The following JPH3 variants were observed in gnomAD, a reference collection of about 807,000 sequenced individuals.
The protein encoded by JPH3 is junctophilin-3.
A neutral mutation model predicts 59.6 loss-of-function variants in JPH3; 11 were observed. The observed-to-expected ratio is 0.18, with a 90% CI of 0.12 to 0.31. JPH3 has a LOEUF of 0.31. Ranked by LOEUF, JPH3 falls within the 10% of genes least tolerant of loss-of-function variation. JPH3 has a pLI of 1.00. For missense variants in JPH3, 1,202 were observed against 1,105.7 expected, an observed-to-expected ratio of 1.09 and a Z score of -1.24; for synonymous variants, 673 against 483.6, an observed-to-expected ratio of 1.39 and a Z score of -5.14.
chr16:87,634,466 C>T lies in JPH3; in HGVS notation c.383-9792C>T, dbSNP rs1465108012. Among the ~76,000 whole-genome samples, 5 of 152,324 alleles carry T rather than the reference C, an allele frequency of 3.3e-5. No individual in the cohort carries two copies. The South Asian group carries it at 6.2e-4, about 19-fold the overall frequency. ...AGTTCCCTCAGGGTGGAGGCCTGGC[C>T]GCCTTCCCAGTGGTGCCTGTTTCTT... On this transcript the variant is annotated intron_variant, in intron 1 of 4. Coordinates refer to ENST00000284262, the MANE Select transcript of JPH3 (RefSeq NM_020655.4).
chr16:87,644,849 G>T lies in JPH3; in HGVS notation c.974G>T (p.Cys325Phe). The change falls in exon 2 of 5, where the codon TGC becomes TTC. Residue 325 changes from cysteine to phenylalanine, a missense_variant. Physicochemically the swap from Cys to Phe is radical, Grantham distance 205. Coordinates refer to ENST00000284262, the MANE Select transcript of JPH3 (RefSeq NM_020655.4). ...AGCAACCGGCGCCATGGCTACGGCT[G>T]CATGACCTTCCCGGACGGCACCAAG... ...WASNRRHGYGCMTFPDGTKEE... is the reference protein window; with the variant it reads ...WASNRRHGYGFMTFPDGTKEE... 1 of 1,613,508 alleles carries T rather than the reference G, an allele frequency of 6.2e-7. No homozygotes were observed. Among genetic ancestry groups the T allele is most frequent in the South Asian group, 1.1e-5 (1 of 91,086 alleles).
At chr16:87,659,670 T>G (rs1037476878) in intron 2 of JPH3, among the ~76,000 whole-genome samples, 1 of 151,998 alleles carries the variant, frequency 6.6e-6, no homozygotes. Flanking sequence ...GAGACGAAGG[T>G]TGCAGTAAGC....
At chr16:87,695,284 A>C (rs1410082356) in intron 4 of JPH3, 3 of 455,832 alleles carry the variant, frequency 6.6e-6, no homozygotes, top group African/African-American at 6.0e-5. Context: ...AAATTTGACC[A>C]GAGGCCAGAC....
At chr16:87,613,167 G>C (rs1008231674) in intron 1 of JPH3, among the ~76,000 whole-genome samples, 2 of 144,806 alleles carry the variant, frequency 1.4e-5, no homozygotes, top group African/African-American at 5.1e-5. Flanking sequence ...CGCGATCTCG[G>C]CTCACTGCAA....
intron 1 of JPH3, among the ~76,000 whole-genome samples, chr16:87,639,748 A>C (rs1244224650): frequency 6.6e-6 from 1 of 152,020 alleles, no homozygotes; most frequent in African/African-American, 2.4e-5. Flanking sequence ...ACCCCAGGAG[A>C]GTAGAATCCC....
chr16:87,647,639 A>G lies in JPH3; in HGVS notation c.1160+2604A>G, dbSNP rs2032196089. Among the ~76,000 whole-genome samples, 4 of 152,230 alleles carry G rather than the reference A, an allele frequency of 2.6e-5. No homozygotes were observed. The South Asian group carries it at 8.3e-4, about 32-fold the overall frequency. On this transcript the variant is annotated intron_variant, in intron 2 of 4. Coordinates refer to ENST00000284262, the MANE Select transcript of JPH3 (RefSeq NM_020655.4). The stretch of plus-strand genomic sequence containing the variant: ...GCGCACAACTGGGGTCTTGGATCGT[A>G]GCTCCTTTGTGAGAAAGGGACTGGC...
chr16:87,687,161 C>T (rs996866876), intron 3 of JPH3, among the ~76,000 whole-genome samples: 2 of 152,156 alleles, frequency 1.3e-5, no homozygotes, highest in Admixed American at 6.5e-5. Flanking sequence ...GGGGCCTTCT[C>T]GGCTGCTGGG....
At chr16:87,636,146 A>T (rs554877028) in intron 1 of JPH3, among the ~76,000 whole-genome samples, 7 of 152,084 alleles carry the variant, frequency 4.6e-5, no homozygotes, top group African/African-American at 1.7e-4. Flanking sequence ...GTTAGGTTCG[A>T]TGGGACAGGC....
Position 87,690,287 on chromosome 16 carries a change from C to A in JPH3, c.1927C>A (p.His643Asn). The change falls in exon 4 of 5, where the codon CAC becomes AAC. Residue 643 changes from histidine (H) to asparagine (N), a missense_variant. By Grantham distance (68) the His-to-Asn change is moderately conservative. Transcript: ENST00000284262. ...CGCCTGCCGGGGCTTGGGGGACGAC[C>A]ACCGCCCCGAGGACCGGGGCTTCGG... ...GGACRGLGDDHRPEDRGFGVQ... is the reference protein window; with the variant it reads ...GGACRGLGDDNRPEDRGFGVQ... 6.3e-7 allele frequency: 1 copy of A among 1,599,280 alleles called. No individual in the cohort carries two copies. Among genetic ancestry groups the A allele is most frequent in the Non-Finnish European group, 8.5e-7 (1 of 1,173,396 alleles).
intron 1 of JPH3, among the ~76,000 whole-genome samples, chr16:87,605,632 C>G (rs2030490724): frequency 6.6e-6 from 1 of 152,200 alleles, no homozygotes; most frequent in Admixed American, 6.5e-5. Flanking sequence ...GCTCTCCACT[C>G]CAGCCAGACA....
intron 3 of JPH3, among the ~76,000 whole-genome samples, chr16:87,688,374 G>A (rs748033830): frequency 4.2e-4 from 64 of 152,200 alleles, no homozygotes; most frequent in Non-Finnish European, 7.2e-4. Flanking sequence ...AGCGTGCCCC[G>A]AATCTGCTTG....
intron 2 of JPH3, among the ~76,000 whole-genome samples, chr16:87,660,413 C>A (rs974547124): frequency 6.6e-6 from 1 of 152,070 alleles, no homozygotes; most frequent in African/African-American, 2.4e-5. Flanking sequence ...AGGGGCCTCC[C>A]CAGAGAGCCT....
chr16:87,612,061 C>T (rs571009971), intron 1 of JPH3, among the ~76,000 whole-genome samples: 30 of 152,302 alleles, frequency 2.0e-4, no homozygotes, highest in African/African-American at 2.6e-4. Context: ...TGCAGATGCC[C>T]GGGCCCCACC....
rs781299692 is a variant in JPH3, at chr16:87,696,063, G to C, written c.2167-517G>C. On this transcript the variant is annotated intron_variant, in intron 4 of 4. Transcript: ENST00000284262. Reference sequence around the variant, plus strand: ...GGGTTTGTTGAGGAAGGTGTGGTGAGGGGGGGTTTTGTTGAGGACACTGTG... The same window carrying C: ...GGGTTTGTTGAGGAAGGTGTGGTGACGGGGGGTTTTGTTGAGGACACTGTG... 6.6e-5 allele frequency: 30 copies of C among 456,266 alleles called. 1 individual carries two copies. Among genetic ancestry groups the C allele is most frequent in the South Asian group, 4.5e-4 (29 of 64,560 alleles). The allele number at this position is 456,266 out of a possible 1,614,324, so 28.3% of individuals were successfully genotyped here.
rs148737352 is a variant in JPH3 at position 87,622,130 on chromosome 16, G to A, written c.382+18602G>A. Among the ~76,000 whole-genome samples the A allele has an allele frequency of 5.4e-3, 818 of 152,234 alleles. 4 individuals carry two copies. Among genetic ancestry groups the A allele is most frequent in the Non-Finnish European group, 8.2e-3 (559 of 67,996 alleles). ...GGGGCCCCTTTGGGGTGGAGGGGAT[G>A]CCTCAGAGCCAGCCGCATGCCACCC... On this transcript the variant is annotated intron_variant, in intron 1 of 4. Coordinates refer to ENST00000284262, the MANE Select transcript of JPH3 (RefSeq NM_020655.4).
intron 2 of JPH3, among the ~76,000 whole-genome samples, chr16:87,683,309 CTT>C (rs571124026): frequency 6.9e-5 from 10 of 145,732 alleles, no homozygotes; most frequent in Non-Finnish European, 1.1e-4. Flanking sequence ...GAAACATTTT[CTT>C]TTTTTTTTTT....
In JPH3 at chr16:87,696,585, A is replaced by G; in HGVS notation, c.2172A>G (p.Ser724=). The change falls in exon 5 of 5, where the codon TCA becomes TCG. Residue 724 remains serine (S), a synonymous_variant. Transcript: ENST00000284262. ...NGDELKSSTG[S]APILVVMVIL... is the part of the protein sequence containing the mutation. ...TTCCCCTCGCTCTCTTCCAGGGCTCAGCGCCTATCCTGGTGGTCATGGTGA... is the reference window on the plus strand; with the variant it reads ...TTCCCCTCGCTCTCTTCCAGGGCTCGGCGCCTATCCTGGTGGTCATGGTGA... 1 of 1,613,272 alleles carries G rather than the reference A, an allele frequency of 6.2e-7. No homozygotes were observed. Among genetic ancestry groups the G allele is most frequent in the Non-Finnish European group, 8.5e-7 (1 of 1,179,840 alleles).
chr16:87,695,335 CAGGG>C (rs1194763681), intron 4 of JPH3: 2 of 455,954 alleles, frequency 4.4e-6, no homozygotes, highest in African/African-American at 4.0e-5. Context: ...AGTCTGTTAA[CAGGG>C]AGGGGGAGGA....
intron 1 of JPH3, among the ~76,000 whole-genome samples, chr16:87,627,371 G>A (rs186737471): frequency 2.0e-5 from 3 of 152,296 alleles, no homozygotes; most frequent in South Asian, 2.1e-4. Flanking sequence ...TAACAGCAGC[G>A]GTCTCCAGAA....
Sources: gnomAD v4.1 joint callset for allele counts (sites outside exome capture counted in the v4.1 genomes callset) on GRCh38, gnomAD v4.1.1 for gene constraint, MANE v1.5 for transcripts, NCBI Gene and HGNC (gene_info 2026-07-23, HGNC 2026-07-21) for gene names.